The following FILIP1L variants were observed in gnomAD, a reference collection of about 807,000 sequenced individuals.
The protein encoded by FILIP1L is filamin A-interacting protein 1-like.
A neutral mutation model predicts 96.6 loss-of-function variants in FILIP1L; 55 were observed. That is an observed-to-expected ratio of 0.57 (90% CI 0.46 to 0.71). The LOEUF (loss-of-function observed/expected upper bound fraction) is 0.71, where lower values mean the gene tolerates loss of function less well. Ranked by LOEUF, FILIP1L falls within the 30% of genes least tolerant of loss-of-function variation. The probability of loss-of-function intolerance (pLI) is 0.00; values close to 1 mark genes in which losing one functional copy is unlikely to be tolerated. For synonymous variants in FILIP1L, 467 were observed against 473.9 expected, an observed-to-expected ratio of 0.99 and a Z score of 0.19; for missense variants, 1,304 against 1,321.2, an observed-to-expected ratio of 0.99 and a Z score of 0.20.
chr3:99,913,495 G>T (rs930926712), intron 4 of FILIP1L, among the ~76,000 whole-genome samples: 3 of 152,260 alleles, frequency 2.0e-5, no homozygotes, highest in Non-Finnish European at 2.9e-5. Context: ...ATTAACCAAA[G>T]AATGTTTAAT....
In FILIP1L at chr3:99,830,680, A is replaced by G. The variant is rs986904620; in HGVS notation, c.3382-75T>C. On this transcript the variant is annotated intron_variant, in intron 5 of 5. Transcript: ENST00000477258. ...GAAGTAGAAATTGTTTAGGACATGG[A>G]GTCAGTTTGGAGGATTTGGCTTTGA... 4 of 433,196 alleles carry G rather than the reference A, an allele frequency of 9.2e-6. No homozygotes were observed. The Admixed American group carries it at 9.7e-5, about 10-fold the overall frequency. 26.8% of individuals were successfully genotyped at this position (433,196 alleles called of 1,614,324 possible).
At chr3:100,092,228 A>G (rs936478302) in intron 1 of FILIP1L, among the ~76,000 whole-genome samples, 3 of 152,190 alleles carry the variant, frequency 2.0e-5, no homozygotes, top group Non-Finnish European at 4.4e-5. Context: ...ATTCTATAAC[A>G]GTATTAAATA....
chr3:100,078,498 G>A (rs2065883582), intron 1 of FILIP1L, among the ~76,000 whole-genome samples: 1 of 152,138 alleles, frequency 6.6e-6, no homozygotes. Flanking sequence ...ACTAGGTCAA[G>A]GGTGTCCAAT....
intron 1 of FILIP1L, among the ~76,000 whole-genome samples, chr3:99,934,496 A>G (rs1043467231): frequency 1.1e-4 from 17 of 152,208 alleles, no homozygotes; most frequent in African/African-American, 1.7e-4. Context: ...GTGTGGAACA[A>G]TAGTCTACTG....
At chr3:99,912,451 A>G (rs1176983636) in intron 4 of FILIP1L, among the ~76,000 whole-genome samples, 2 of 152,066 alleles carry the variant, frequency 1.3e-5, no homozygotes, top group Admixed American at 1.3e-4. Context: ...ATCTCGGCTT[A>G]CTGCAGCCTT....
chr3:100,008,084 A>G (rs1177133337), intron 1 of FILIP1L, among the ~76,000 whole-genome samples: 2 of 152,086 alleles, frequency 1.3e-5, no homozygotes, highest in African/African-American at 2.4e-5. Flanking sequence ...CCACCTTCCT[A>G]ATGTTTTTAC....
intron 4 of FILIP1L, among the ~76,000 whole-genome samples, chr3:99,910,112 A>G (rs1706746042): frequency 7.3e-6 from 1 of 136,074 alleles, no homozygotes; most frequent in Non-Finnish European, 1.7e-5. Context: ...GATGTCCAGA[A>G]CCTGTGAAAT....
intron 1 of FILIP1L, among the ~76,000 whole-genome samples, chr3:100,112,568 C>G (rs922458796): frequency 6.6e-6 from 1 of 152,152 alleles, no homozygotes; most frequent in African/African-American, 2.4e-5. Flanking sequence ...TACACATGAA[C>G]TTTAATAGAA....
At chr3:99,899,851 C>T in intron 4 of FILIP1L, among the ~76,000 whole-genome samples, 1 of 152,138 alleles carries the variant, frequency 6.6e-6, no homozygotes, top group Non-Finnish European at 1.5e-5. Flanking sequence ...GTGAGAGTAC[C>T]TTCCTCATAG....
At chr3:99,932,845 C>A (rs895009646) in intron 1 of FILIP1L, among the ~76,000 whole-genome samples, 2 of 152,116 alleles carry the variant, frequency 1.3e-5, no homozygotes, top group Non-Finnish European at 2.9e-5. Context: ...GAGCCAAGAT[C>A]GCGCCCGGCA....
chr3:99,868,302 G>A (rs1385040174), intron 4 of FILIP1L, among the ~76,000 whole-genome samples: 1 of 152,158 alleles, frequency 6.6e-6, no homozygotes, highest in Non-Finnish European at 1.5e-5. Context: ...GGTTAGGCAC[G>A]CTAGAGACAG....
chr3:100,112,711 A>G (rs746471625), intron 1 of FILIP1L, among the ~76,000 whole-genome samples: 4 of 152,200 alleles, frequency 2.6e-5, no homozygotes, highest in Non-Finnish European at 5.9e-5. Context: ...AATTACTGAG[A>G]AAATTCTCAT....
intron 1 of FILIP1L, among the ~76,000 whole-genome samples, chr3:100,099,058 C>G (rs528756814): frequency 6.6e-6 from 1 of 152,296 alleles, no homozygotes; most frequent in South Asian, 2.1e-4. Context: ...TTTCAAATTT[C>G]TACCAATGAT....
intron 4 of FILIP1L, among the ~76,000 whole-genome samples, chr3:99,867,702 T>C (rs1373532039): frequency 6.6e-6 from 1 of 152,144 alleles, no homozygotes; most frequent in Non-Finnish European, 1.5e-5. Flanking sequence ...ACAAAATAAA[T>C]ACTCCCAACA....
In FILIP1L at chr3:100,006,521, A is replaced by AT. The variant is rs547568693; in HGVS notation, c.-10-75492dup. 4.6e-3 allele frequency among the ~76,000 whole-genome samples: 692 copies of AT among 152,086 alleles called. 7 individuals carry two copies. Among genetic ancestry groups the AT allele is most frequent in the African/African-American group, 0.016 (674 of 41,472 alleles). On this transcript the variant is annotated intron_variant, in intron 1 of 5. Transcript: ENST00000477258. ...CCCAAAGTCTCCTTTTAAAAAAAGT[A>AT]TTTTTTCTATATAGTCATGAAGGCT...
chr3:100,113,100 A>C (rs944842976), intron 1 of FILIP1L, among the ~76,000 whole-genome samples: 1 of 152,252 alleles, frequency 6.6e-6, no homozygotes, highest in African/African-American at 2.4e-5. Context: ...CACCTCTTCT[A>C]TTCCTTCCTG....
chr3:99,859,138 G>A (rs568362909), intron 4 of FILIP1L, among the ~76,000 whole-genome samples: 2 of 152,360 alleles, frequency 1.3e-5, no homozygotes, highest in African/African-American at 4.8e-5. Context: ...AAACCACTAA[G>A]TTGCCTGGTT....
chr3:99,925,710 C>T (rs778643459), intron 3 of FILIP1L: 88 of 220,574 alleles, frequency 4.0e-4, no homozygotes, highest in Non-Finnish European at 6.5e-4. Context: ...AGTGAGAGCA[C>T]CAAGGACATG....
chr3:100,043,276 A>G (rs1276659233), intron 1 of FILIP1L, among the ~76,000 whole-genome samples: 1 of 152,206 alleles, frequency 6.6e-6, no homozygotes, highest in Non-Finnish European at 1.5e-5. Flanking sequence ...TATGCAGAAA[A>G]TCATGTCCAG....
Sources: gnomAD v4.1 joint callset for allele counts (sites outside exome capture counted in the v4.1 genomes callset) on GRCh38, gnomAD v4.1.1 for gene constraint, MANE v1.5 for transcripts, NCBI Gene and HGNC (gene_info 2026-07-23, HGNC 2026-07-21) for gene names.